Variants in FBXL20 observed in about 807,000 individuals in gnomAD.
FBXL20 encodes the protein F-box/LRR-repeat protein 20.
In FBXL20, 11 loss-of-function variants were observed where a neutral mutation model predicts 64.0. The observed-to-expected ratio is 0.17, with a 90% CI of 0.11 to 0.28. The LOEUF (loss-of-function observed/expected upper bound fraction) is 0.28, where lower values mean the gene tolerates loss of function less well. Ranked by LOEUF, FBXL20 falls within the 10% of genes least tolerant of loss-of-function variation. The probability of loss-of-function intolerance (pLI) is 1.00; values close to 1 mark genes in which losing one functional copy is unlikely to be tolerated. For missense variants in FBXL20, 303 were observed against 526.2 expected (o/e 0.58, Z 4.15); for synonymous variants, 184 against 189.0 (o/e 0.97, Z 0.22).
intron 1 of FBXL20, among the ~76,000 whole-genome samples, chr17:39,387,340 C>T (rs1472420060): frequency 2.0e-5 from 3 of 147,680 alleles, no homozygotes; most frequent in South Asian, 2.1e-4. Flanking sequence ...AGTGCAATGG[C>T]GCAATCTCGG....
At chr17:39,333,523 G>A (rs2047486045) in intron 2 of FBXL20, among the ~76,000 whole-genome samples, 1 of 152,194 alleles carries the variant, frequency 6.6e-6, no homozygotes, top group South Asian at 2.1e-4. Context: ...CGCCTGCCTT[G>A]GCTTCCCAAA....
intron 5 of FBXL20, 109 bp from the exon 6 acceptor site, chr17:39,297,304 G>C (rs1245618278): frequency 1.7e-6 from 1 of 579,796 alleles, no homozygotes; most frequent in Non-Finnish European, 3.0e-6. Context: ...TGATATCTGT[G>C]ATACTGTGAT....
chr17:39,309,785 C>T (rs1191023971), intron 2 of FBXL20, among the ~76,000 whole-genome samples: 1 of 140,864 alleles, frequency 7.1e-6, no homozygotes, highest in East Asian at 2.0e-4. Context: ...GAGTGAGACT[C>T]CATCTCAAAA....
At position 39,390,821 on chromosome 17, in the gene FBXL20, G is replaced by T. The variant is rs552632173; in HGVS notation, c.42+10540C>A. Among the ~76,000 whole-genome samples, 51 of 152,296 alleles carry T rather than the reference G, an allele frequency of 3.3e-4. No homozygotes were observed. In the Middle Eastern group the frequency reaches 0.014, roughly 41 times the overall value. On this transcript the variant is annotated intron_variant, in intron 1 of 14. Coordinates refer to ENST00000264658, the MANE Select transcript of FBXL20 (RefSeq NM_032875.3). ...CCTAGCACTTTTGGAGGCCAAGGCA[G>T]GTGGATCACGAGGTAAGGAGTTCAA...
chr17:39,304,999 C>T (rs1048634909), intron 2 of FBXL20, among the ~76,000 whole-genome samples: 5 of 152,090 alleles, frequency 3.3e-5, no homozygotes, highest in East Asian at 1.9e-4. Flanking sequence ...TCAGGTTATC[C>T]GCCCTGTCTC....
intron 9 of FBXL20, among the ~76,000 whole-genome samples, chr17:39,276,791 A>ATAAGCT (rs1220502936): frequency 6.6e-6 from 1 of 152,142 alleles, no homozygotes; most frequent in African/African-American, 2.4e-5. Context: ...CACATCAAAG[A>ATAAGCT]TGTTATATTT....
intron 7 of FBXL20, 141 bp from the exon 8 acceptor site, chr17:39,282,996 ATATT>A: frequency 1.1e-6 from 1 of 910,982 alleles, no homozygotes; most frequent in Non-Finnish European, 1.7e-6. Flanking sequence ...TACCTAATGT[ATATT>A]TAGATTTATC....
intron 6 of FBXL20, among the ~76,000 whole-genome samples, chr17:39,286,200 A>G (rs2046986872): frequency 6.6e-6 from 1 of 152,208 alleles, no homozygotes; most frequent in Non-Finnish European, 1.5e-5. Flanking sequence ...TACCATCAGT[A>G]AACTTCAACA....
chr17:39,339,810 A>AT (rs946401563), intron 2 of FBXL20, among the ~76,000 whole-genome samples: 164 of 147,454 alleles, frequency 1.1e-3, no homozygotes, highest in African/African-American at 3.8e-3. Flanking sequence ...CACCTGGCTA[A>AT]TTTTTTTTTT....
intron 1 of FBXL20, among the ~76,000 whole-genome samples, chr17:39,364,079 G>C (rs978397174): frequency 6.6e-6 from 1 of 151,436 alleles, no homozygotes. Context: ...TAGTACAGAC[G>C]GGGTTTCACC....
chr17:39,346,911 C>A (rs1384897515), intron 1 of FBXL20, among the ~76,000 whole-genome samples: 2 of 149,104 alleles, frequency 1.3e-5, no homozygotes, highest in South Asian at 2.2e-4. Context: ...TCTCATTGTT[C>A]AATTCCCATC....
At chr17:39,272,818 G>T (rs563206767) in intron 10 of FBXL20, among the ~76,000 whole-genome samples, 3 of 152,100 alleles carry the variant, frequency 2.0e-5, no homozygotes, top group Admixed American at 1.3e-4. Context: ...GATTTTCACA[G>T]TTGAGAGCTT....
chr17:39,318,088 C>G (rs1041876649), intron 2 of FBXL20, among the ~76,000 whole-genome samples: 1 of 151,988 alleles, frequency 6.6e-6, no homozygotes, highest in Non-Finnish European at 1.5e-5. Context: ...TCCCTGCCCT[C>G]AAGCCATATA....
At chr17:39,347,765 C>T (rs1337917498) in intron 1 of FBXL20, among the ~76,000 whole-genome samples, 2 of 152,118 alleles carry the variant, frequency 1.3e-5, no homozygotes, top group Admixed American at 1.3e-4. Flanking sequence ...AGTCCTTGCC[C>T]ACCCCTATGT....
chr17:39,296,655 G>A (rs1347276131), intron 6 of FBXL20, among the ~76,000 whole-genome samples: 2 of 151,732 alleles, frequency 1.3e-5, no homozygotes, highest in African/African-American at 4.8e-5. Context: ...AGCCTCTTGA[G>A]GATGAAGAAT....
intron 2 of FBXL20, among the ~76,000 whole-genome samples, chr17:39,306,372 T>G (rs1035159874): frequency 1.3e-5 from 2 of 152,198 alleles, no homozygotes; most frequent in Non-Finnish European, 2.9e-5. Context: ...TTTTCTTTCA[T>G]TTCCTGAACT....
At chr17:39,375,437 TAC>T (rs936792176) in intron 1 of FBXL20, among the ~76,000 whole-genome samples, 7 of 152,098 alleles carry the variant, frequency 4.6e-5, no homozygotes, top group Non-Finnish European at 7.4e-5. Flanking sequence ...ATCAAATATT[TAC>T]AGTTAGATAG....
intron 10 of FBXL20, among the ~76,000 whole-genome samples, chr17:39,273,466 C>T (rs368528066): frequency 2.6e-5 from 4 of 152,152 alleles, no homozygotes; most frequent in African/African-American, 9.7e-5. Flanking sequence ...CTTGTTCCTA[C>T]ACTAACTAGC....
chr17:39,361,787 A>ACTC (rs2047797348), intron 1 of FBXL20, among the ~76,000 whole-genome samples: 1 of 151,556 alleles, frequency 6.6e-6, no homozygotes, highest in African/African-American at 2.4e-5. Context: ...ACAGAGCGAG[A>ACTC]CTCCGTCTCA....
Sources: allele counts gnomAD v4.1 joint callset (sites outside exome capture counted in the v4.1 genomes callset), GRCh38; gene constraint gnomAD v4.1.1; transcripts MANE v1.5; gene names NCBI Gene and HGNC (gene_info 2026-07-23, HGNC 2026-07-21).